The following GPHN variants were observed in gnomAD, a reference collection of about 807,000 sequenced individuals.
GPHN encodes gephyrin.
In GPHN, 17 loss-of-function variants were observed where a neutral mutation model predicts 95.5. The ratio of observed to expected loss-of-function variants is 0.18; its 90% CI spans 0.12 to 0.27. GPHN has a LOEUF of 0.27. GPHN is among the 10% of genes least tolerant of loss of function. GPHN has a pLI of 1.00. For missense variants in GPHN, 660 were observed against 978.1 expected, an observed-to-expected ratio of 0.67 and a Z score of 4.34; for synonymous variants, 320 against 322.5, an observed-to-expected ratio of 0.99 and a Z score of 0.08.
intron 17 of GPHN, among the ~76,000 whole-genome samples, chr14:67,138,412 T>G (rs1039256083): frequency 6.6e-6 from 1 of 152,226 alleles, no homozygotes; most frequent in African/African-American, 2.4e-5. Context: ...CTGCTTGCTT[T>G]ATGTGAGAAA....
At chr14:67,241,395 G>T in the GPHN span, 1 of 154,674 alleles carries the variant, frequency 6.5e-6, no homozygotes, top group South Asian at 1.8e-4. Context: ...GGCGGGGGCG[G>T]GGACTAAGGA....
At chr14:67,453,434 C>T in the GPHN span, among the ~76,000 whole-genome samples, 1 of 152,220 alleles carries the variant, frequency 6.6e-6, no homozygotes, top group East Asian at 1.9e-4. Flanking sequence ...CCTGCACACA[C>T]CTCCCATCAG....
At chr14:67,052,116 T>A (rs1239697311) in intron 10 of GPHN, among the ~76,000 whole-genome samples, 1 of 152,044 alleles carries the variant, frequency 6.6e-6, no homozygotes, top group Non-Finnish European at 1.5e-5. Flanking sequence ...TATATTAACC[T>A]TAAATGTAAA....
the GPHN span, chr14:67,380,851 G>A: frequency 1.6e-6 from 1 of 634,362 alleles, no homozygotes; most frequent in Non-Finnish European, 2.5e-6. Flanking sequence ...AGAATATGTT[G>A]CTACATCAAC....
the GPHN span, among the ~76,000 whole-genome samples, chr14:67,371,116 A>C: frequency 6.6e-6 from 1 of 152,154 alleles, no homozygotes. Flanking sequence ...ATAAAATTTC[A>C]GAAAGTTAAG....
chr14:66,919,685 A>T (rs187836108), intron 6 of GPHN, among the ~76,000 whole-genome samples: 93 of 152,290 alleles, frequency 6.1e-4, no homozygotes, highest in Non-Finnish European at 1.0e-3. Context: ...CCTTGGATAT[A>T]AATATTCATA....
rs375588561 is a variant in GPHN at position 66,815,943 on chromosome 14, C to CA, written c.202-8523dup. Among the ~76,000 whole-genome samples, 307 of 150,642 alleles carry CA rather than the reference C, an allele frequency of 2.0e-3. 3 individuals carry two copies. Among genetic ancestry groups the CA allele is most frequent in the African/African-American group, 7.0e-3 (287 of 41,122 alleles). ...ACATATACAATGGCATACACTGGTT[C>CA]AAAAAAAAGGGATGGAAACAAATCT... On this transcript the variant is annotated intron_variant, in intron 3 of 22. Transcript: ENST00000478722.
chr14:66,759,881 TTTAAA>T (rs1418308805), intron 2 of GPHN, among the ~76,000 whole-genome samples: 2 of 152,182 alleles, frequency 1.3e-5, no homozygotes, highest in Admixed American at 1.3e-4. Flanking sequence ...ATATTGAAAA[TTTAAA>T]TTAGAGAAAC....
At chr14:67,512,244 G>T in the GPHN span, among the ~76,000 whole-genome samples, 1 of 152,254 alleles carries the variant, frequency 6.6e-6, no homozygotes, top group African/African-American at 2.4e-5. Context: ...CAAACCAAAA[G>T]TGCCCCCCTC....
the GPHN span, chr14:67,619,998 C>G: frequency 6.2e-7 from 1 of 1,607,932 alleles, no homozygotes; most frequent in East Asian, 2.3e-5. Context: ...GGGGCAGCCT[C>G]TCGCGTCTCC....
At chr14:67,714,716 T>C in the GPHN span, 20,485 of 152,468 alleles carry the variant, frequency 0.13, 1,416 homozygotes, top group East Asian at 0.21. Flanking sequence ...GTTATCATGG[T>C]ATTAGGGACT....
the GPHN span, among the ~76,000 whole-genome samples, chr14:67,356,169 C>G: frequency 6.6e-6 from 1 of 151,980 alleles, no homozygotes; most frequent in African/African-American, 2.4e-5. Context: ...CCTGTAATAC[C>G]AACACTTTGG....
At chr14:66,662,086 T>C (rs7152601) in intron 1 of GPHN, among the ~76,000 whole-genome samples, 49,900 of 151,988 alleles carry the variant, frequency 0.33, 12,019 homozygotes, top group African/African-American at 0.66. Flanking sequence ...ACTTCCGTAG[T>C]TTACAGACTT....
At chr14:67,355,996 C>CA in the GPHN span, among the ~76,000 whole-genome samples, 3 of 151,724 alleles carry the variant, frequency 2.0e-5, no homozygotes, top group African/African-American at 4.8e-5. Flanking sequence ...GACTCGGTCT[C>CA]AAAAAAACAA....
intron 12 of GPHN, among the ~76,000 whole-genome samples, chr14:67,092,222 G>C (rs180692884): frequency 1.3e-5 from 2 of 152,056 alleles, no homozygotes; most frequent in Non-Finnish European, 2.9e-5. Flanking sequence ...TAGTAATAAA[G>C]ATGATTTTCA....
intron 1 of GPHN, among the ~76,000 whole-genome samples, chr14:66,547,206 T>C (rs1200680791): frequency 1.3e-5 from 2 of 152,224 alleles, no homozygotes; most frequent in African/African-American, 4.8e-5. Context: ...GAAAAATTGG[T>C]TAGACTTCAG....
chr14:66,544,984 A>C (rs1368943602), intron 1 of GPHN, among the ~76,000 whole-genome samples: 2 of 152,106 alleles, frequency 1.3e-5, no homozygotes, highest in African/African-American at 2.4e-5. Context: ...TCCTGTGTCT[A>C]CCTCCTACTA....
At position 66,560,103 on chromosome 14, in the gene GPHN, C is replaced by CT. The variant is rs2060169858; in HGVS notation, c.64+51513dup. ...CGTTCTGTTCCATTGGTCTATATCT[C>CT]TGTTTTGGTACCAGTACCATGCTGT... On this transcript the variant is annotated intron_variant, in intron 1 of 22. Coordinates refer to ENST00000478722, the MANE Select transcript of GPHN (RefSeq NM_020806.5). Among the ~76,000 whole-genome samples the CT allele has an allele frequency of 1.1e-4, 17 of 152,228 alleles. 1 individual carries two copies. In the South Asian group the frequency reaches 3.5e-3, roughly 32 times the overall value.
chr14:67,362,620 C>T, the GPHN span, among the ~76,000 whole-genome samples: 1 of 151,898 alleles, frequency 6.6e-6, no homozygotes, highest in Non-Finnish European at 1.5e-5. Flanking sequence ...AGTTGTTCCC[C>T]GAGTTTACTA....
Sources: allele counts gnomAD v4.1 joint callset (sites outside exome capture counted in the v4.1 genomes callset), GRCh38; gene constraint gnomAD v4.1.1; transcripts MANE v1.5; gene names NCBI Gene and HGNC (gene_info 2026-07-23, HGNC 2026-07-21).